Variants in NPAS3 observed in about 807,000 individuals in gnomAD.
NPAS3 encodes the protein neuronal PAS domain-containing protein 3.
Under a neutral mutation model 73.1 loss-of-function variants are expected in NPAS3, and 14 were observed. The observed-to-expected ratio is 0.19, with a 90% CI of 0.13 to 0.30. The LOEUF is 0.30. Ranked by LOEUF, NPAS3 falls within the 10% of genes least tolerant of loss-of-function variation. The pLI is 1.00. For missense variants in NPAS3, 1,096 were observed against 1,250.0 expected (o/e 0.88, Z 1.86); for synonymous variants, 620 against 541.5 (o/e 1.14, Z -2.01).
intron 2 of NPAS3, among the ~76,000 whole-genome samples, chr14:33,167,326 C>A (rs1041780916): frequency 6.6e-6 from 1 of 152,040 alleles, no homozygotes; most frequent in African/African-American, 2.4e-5. Flanking sequence ...AGAGAGGGCT[C>A]CCAGGGCAAT....
At chr14:33,588,097 T>C (rs909626813) in intron 5 of NPAS3, among the ~76,000 whole-genome samples, 8 of 152,224 alleles carry the variant, frequency 5.3e-5, no homozygotes, top group Non-Finnish European at 1.2e-4. Context: ...ATTTGTTTTA[T>C]GGTTTGGGGA....
At chr14:33,572,343 C>T (rs2139825309) in intron 5 of NPAS3, among the ~76,000 whole-genome samples, 1 of 152,206 alleles carries the variant, frequency 6.6e-6, no homozygotes, top group East Asian at 1.9e-4. Flanking sequence ...GGAAAGGACG[C>T]TTGGAAGAAG....
intron 2 of NPAS3, among the ~76,000 whole-genome samples, chr14:33,169,573 AAAAC>A (rs964962173): frequency 2.0e-5 from 3 of 152,354 alleles, no homozygotes; most frequent in African/African-American, 7.2e-5. Context: ...GTCTCAACAA[AAAAC>A]AAACACAAAT....
chr14:33,603,695 C>G (rs768168551), intron 5 of NPAS3, among the ~76,000 whole-genome samples: 2 of 151,974 alleles, frequency 1.3e-5, no homozygotes, highest in Non-Finnish European at 2.9e-5. Flanking sequence ...GAATTCTATG[C>G]CAAATGACAT....
intron 1 of NPAS3, among the ~76,000 whole-genome samples, chr14:32,989,430 G>A (rs989587952): frequency 1.2e-4 from 18 of 152,114 alleles, no homozygotes; most frequent in Non-Finnish European, 1.3e-4. Flanking sequence ...GGATCACGAG[G>A]TCAGGAGATC....
intron 4 of NPAS3, among the ~76,000 whole-genome samples, chr14:33,516,163 G>A (rs926266376): frequency 6.6e-6 from 1 of 152,082 alleles, no homozygotes; most frequent in African/African-American, 2.4e-5. Context: ...GCTAATCATA[G>A]CAGTCAGTGG....
chr14:33,521,769 G>T (rs2053568513), intron 4 of NPAS3, among the ~76,000 whole-genome samples: 1 of 151,982 alleles, frequency 6.6e-6, no homozygotes, highest in Admixed American at 6.6e-5. Flanking sequence ...CATTTTTATG[G>T]TACACAAAAG....
intron 2 of NPAS3, among the ~76,000 whole-genome samples, chr14:33,082,097 T>C (rs11849122): frequency 0.019 from 2,893 of 152,290 alleles, 88 homozygotes; most frequent in African/African-American, 0.066. Flanking sequence ...TCTCAGTGAA[T>C]AGTGTTGGTT....
intron 4 of NPAS3, among the ~76,000 whole-genome samples, chr14:33,426,829 A>G (rs11626068): frequency 0.18 from 27,585 of 152,008 alleles, 2,781 homozygotes; most frequent in Admixed American, 0.28. Context: ...TCACTTTATC[A>G]TGGAAAGTTT....
At chr14:33,480,580 T>TCTCTCCCTTTCTCCCACC (rs2051279378) in intron 4 of NPAS3, among the ~76,000 whole-genome samples, 1 of 122,934 alleles carries the variant, frequency 8.1e-6, no homozygotes, top group Non-Finnish European at 1.7e-5. Context: ...TCCCTCTCTC[T>TCTCTCCCTTTCTCCCACC]CTCTCCCTTT....
intron 5 of NPAS3, among the ~76,000 whole-genome samples, chr14:33,659,504 T>G (rs917125553): frequency 4.6e-5 from 7 of 152,178 alleles, no homozygotes; most frequent in African/African-American, 1.7e-4. Context: ...TGTACCTTGT[T>G]TGTCTGGCTA....
intron 2 of NPAS3, among the ~76,000 whole-genome samples, chr14:33,161,775 C>T (rs1195027489): frequency 6.6e-6 from 1 of 152,080 alleles, no homozygotes; most frequent in Non-Finnish European, 1.5e-5. Flanking sequence ...GAGAGTATAG[C>T]CAAGTAAAAT....
chr14:33,667,326 A>G (rs1236919493), intron 5 of NPAS3, among the ~76,000 whole-genome samples: 1 of 152,222 alleles, frequency 6.6e-6, no homozygotes, highest in Non-Finnish European at 1.5e-5. Flanking sequence ...ATAAAATGCC[A>G]GATTACATGT....
chr14:33,253,273 G>A (rs2048656746), intron 3 of NPAS3, among the ~76,000 whole-genome samples: 1 of 152,006 alleles, frequency 6.6e-6, no homozygotes, highest in Admixed American at 6.6e-5. Context: ...CATGTCCAAT[G>A]ATGTGGTTAT....
chr14:33,629,574 GT>G (rs61168695), intron 5 of NPAS3, among the ~76,000 whole-genome samples: 8,684 of 144,470 alleles, frequency 0.06, 584 homozygotes, highest in African/African-American at 0.17. Flanking sequence ...TGTTGTTTTT[GT>G]TTTTTTTTTT....
chr14:33,055,565 G>GT (rs2040859375), intron 1 of NPAS3, among the ~76,000 whole-genome samples: 1 of 151,946 alleles, frequency 6.6e-6, no homozygotes, highest in African/African-American at 2.4e-5. Flanking sequence ...AATGACATTT[G>GT]TTTTTAACAT....
intron 11 of NPAS3, 57 bp downstream of exon 11, chr14:33,797,638 G>A (rs1475257108): frequency 1.3e-6 from 2 of 1,581,196 alleles, no homozygotes; most frequent in Non-Finnish European, 1.7e-6. Flanking sequence ...CGCGCAGGGG[G>A]TGGGCAACAG....
intron 1 of NPAS3, among the ~76,000 whole-genome samples, chr14:32,983,810 C>T (rs1012215451): frequency 5.9e-5 from 9 of 152,112 alleles, no homozygotes; most frequent in Non-Finnish European, 1.3e-4. Flanking sequence ...CAACTTCCAC[C>T]TCCCAGATTC....
intron 10 of NPAS3, among the ~76,000 whole-genome samples, chr14:33,796,512 C>T (rs928257019): frequency 5.9e-5 from 9 of 152,264 alleles, no homozygotes; most frequent in Admixed American, 2.0e-4. Flanking sequence ...ATAGGAATTT[C>T]GCTAGAGATT....
Sources: gnomAD v4.1 joint callset for allele counts (sites outside exome capture counted in the v4.1 genomes callset) on GRCh38, gnomAD v4.1.1 for gene constraint, MANE v1.5 for transcripts, NCBI Gene and HGNC (gene_info 2026-07-23, HGNC 2026-07-21) for gene names.